The following ADAM12 variants were observed in gnomAD, a reference collection of about 807,000 sequenced individuals.
ADAM12 encodes the protein ADAM metallopeptidase domain 12, also known as disintegrin and metalloproteinase domain-containing protein 12.
In ADAM12, 70 loss-of-function variants were observed where a neutral mutation model predicts 106.4. The ratio of observed to expected loss-of-function variants is 0.66; its 90% CI spans 0.54 to 0.80. The LOEUF (loss-of-function observed/expected upper bound fraction) is 0.80. ADAM12 is among the 30% of genes least tolerant of loss of function. ADAM12 has a pLI of 0.00. For missense variants in ADAM12, 1,010 were observed against 1,171.9 expected (o/e 0.86, Z 2.02); for synonymous variants, 420 against 433.5 (o/e 0.97, Z 0.39).
At chr10:126,249,964 G>A (rs557316934) in intron 3 of ADAM12, among the ~76,000 whole-genome samples, 1 of 152,206 alleles carries the variant, frequency 6.6e-6, no homozygotes, top group South Asian at 2.1e-4. Flanking sequence ...TTAGCACAGG[G>A]ACTCATACAC....
chr10:126,030,930 C>T (rs919406765), intron 21 of ADAM12, among the ~76,000 whole-genome samples: 1 of 152,126 alleles, frequency 6.6e-6, no homozygotes, highest in African/African-American at 2.4e-5. Context: ...ATTTTAAGTC[C>T]ACATCAATTC....
chr10:126,101,272 G>A (rs780922966), intron 8 of ADAM12, 31 bp from the exon 9 acceptor site: 3 of 1,603,126 alleles, frequency 1.9e-6, no homozygotes, highest in Non-Finnish European at 2.6e-6. Flanking sequence ...TGGCATTGGA[G>A]TTGGGATCAC....
intron 3 of ADAM12, among the ~76,000 whole-genome samples, chr10:126,227,692 CAG>C (rs1958225100): frequency 6.6e-6 from 1 of 152,210 alleles, no homozygotes; most frequent in South Asian, 2.1e-4. Flanking sequence ...CGTGTCTCAG[CAG>C]AAAGTGACTG....
intron 3 of ADAM12, among the ~76,000 whole-genome samples, chr10:126,256,965 C>A (rs1306126179): frequency 6.6e-6 from 1 of 152,006 alleles, no homozygotes; most frequent in East Asian, 1.9e-4. Context: ...TGTGGTTTTG[C>A]AGCTTTTCAT....
At chr10:126,197,380 CT>C (rs1465073897) in intron 3 of ADAM12, among the ~76,000 whole-genome samples, 1 of 152,170 alleles carries the variant, frequency 6.6e-6, no homozygotes, top group Non-Finnish European at 1.5e-5. Flanking sequence ...ATGTCCCAGG[CT>C]TGAGCGGAAG....
chr10:126,205,580 T>C (rs140245986), intron 3 of ADAM12, among the ~76,000 whole-genome samples: 2 of 152,362 alleles, frequency 1.3e-5, no homozygotes, highest in East Asian at 3.9e-4. Context: ...GTCTGTCACA[T>C]AGAATATCCT....
chr10:126,346,290 A>G (rs1855136524), intron 1 of ADAM12, among the ~76,000 whole-genome samples: 1 of 152,178 alleles, frequency 6.6e-6, no homozygotes, highest in Admixed American at 6.5e-5. Context: ...CCCAGTAGCC[A>G]TTCAGGAGCA....
chr10:126,246,782 A>G (rs1354509876), intron 3 of ADAM12, among the ~76,000 whole-genome samples: 1 of 152,232 alleles, frequency 6.6e-6, no homozygotes, highest in Non-Finnish European at 1.5e-5. Context: ...AACATAATGA[A>G]TGGGCAAAAG....
At chr10:126,276,335 C>T (rs958164430) in intron 3 of ADAM12, among the ~76,000 whole-genome samples, 5 of 152,128 alleles carry the variant, frequency 3.3e-5, no homozygotes, top group Admixed American at 6.5e-5. Context: ...TAAAAACTCT[C>T]GGACTTGACT....
At chr10:126,274,677 G>T (rs1959206329) in intron 3 of ADAM12, among the ~76,000 whole-genome samples, 1 of 152,156 alleles carries the variant, frequency 6.6e-6, no homozygotes, top group Non-Finnish European at 1.5e-5. Context: ...CCATGAAACT[G>T]TGGGCCAGGA....
chr10:126,347,221 T>C (rs938650616), intron 1 of ADAM12, among the ~76,000 whole-genome samples: 1 of 152,232 alleles, frequency 6.6e-6, no homozygotes, highest in Non-Finnish European at 1.5e-5. Flanking sequence ...AGGCTGGTGG[T>C]GACAAAATCC....
At chr10:126,363,441 C>T (rs893839073) in intron 1 of ADAM12, among the ~76,000 whole-genome samples, 4 of 152,170 alleles carry the variant, frequency 2.6e-5, no homozygotes, top group Admixed American at 6.5e-5. Flanking sequence ...TAAAATTGCT[C>T]TAATACTTTA....
intron 20 of ADAM12, 66 bp downstream of exon 20, chr10:126,038,175 A>T: frequency 7.3e-7 from 1 of 1,364,888 alleles, no homozygotes; most frequent in Non-Finnish European, 1.0e-6. Context: ...ATTCTTATTC[A>T]GTCTCGTATT....
Position 126,066,524 on chromosome 10 carries a change from C to T in ADAM12, c.1413+193G>A, listed in dbSNP as rs1359003214. The stretch of plus-strand genomic sequence containing the variant: ...AAACACAAGTGACTGGCAACTGAAG[C>T]GTGCATTTCACCCCAAGATTGGAAG... On this transcript the variant is annotated intron_variant, in intron 13 of 22. Transcript: ENST00000448723. The surrounding 1 kb of genome is among the most constrained non-coding windows in gnomAD (Gnocchi z 5.1). Among the ~76,000 whole-genome samples the T allele has an allele frequency of 1.3e-5, 2 of 152,204 alleles. No homozygotes were observed. The highest frequency in any genetic ancestry group is 4.8e-5 in the African/African-American group (2 of 41,442).
At chr10:126,204,447 TG>T (rs1957759462) in intron 3 of ADAM12, among the ~76,000 whole-genome samples, 2 of 152,304 alleles carry the variant, frequency 1.3e-5, no homozygotes, top group East Asian at 1.9e-4. Context: ...TGGGTGACTG[TG>T]TCTGTGAGAC....
At chr10:126,051,604 C>G (rs1193518354) in intron 14 of ADAM12, among the ~76,000 whole-genome samples, 1 of 78,356 alleles carries the variant, frequency 1.3e-5, no homozygotes, top group Non-Finnish European at 3.1e-5. Flanking sequence ...CAGCCAGCCA[C>G]CTGTCCATCC....
intron 1 of ADAM12, among the ~76,000 whole-genome samples, chr10:126,385,750 T>C (rs1390906340): frequency 6.6e-6 from 1 of 151,760 alleles, no homozygotes; most frequent in African/African-American, 2.4e-5. Flanking sequence ...GGGAGAATGG[T>C]AAGAAAGGAG....
chr10:126,382,031 T>C (rs1856512391), intron 1 of ADAM12, among the ~76,000 whole-genome samples: 1 of 150,214 alleles, frequency 6.7e-6, no homozygotes, highest in Non-Finnish European at 1.5e-5. Flanking sequence ...CTTTGGAAGA[T>C]GGAAAGGGGA....
At chr10:126,352,650 C>T (rs1372235450) in intron 1 of ADAM12, among the ~76,000 whole-genome samples, 1 of 152,166 alleles carries the variant, frequency 6.6e-6, no homozygotes, top group Non-Finnish European at 1.5e-5. Flanking sequence ...AGGCGCTTGA[C>T]AGTTTACAAA....
Sources: gnomAD v4.1 joint callset for allele counts (sites outside exome capture counted in the v4.1 genomes callset) on GRCh38, gnomAD v4.1.1 for gene constraint, Gnocchi (gnomAD v3.1) non-coding constraint, MANE v1.5 for transcripts, NCBI Gene and HGNC (gene_info 2026-07-23, HGNC 2026-07-21) for gene names.